SMAP1: variants seen among roughly 807,000 people sequenced by gnomAD.
The protein encoded by SMAP1 is stromal membrane-associated protein 1.
Under a neutral mutation model 58.5 loss-of-function variants are expected in SMAP1, and 24 were observed. That is an observed-to-expected ratio of 0.41 (90% confidence interval 0.30 to 0.58). SMAP1 has a LOEUF of 0.58. Among genes scored for constraint, SMAP1 ranks in the 20% least tolerant of loss-of-function variants. The probability of loss-of-function intolerance (pLI) is 0.29; values close to 1 mark genes in which losing one functional copy is unlikely to be tolerated. For synonymous variants in SMAP1, 216 were observed against 196.6 expected, an observed-to-expected ratio of 1.10 and a Z score of -0.82; for missense variants, 563 against 566.3, an observed-to-expected ratio of 0.99 and a Z score of 0.06.
At chr6:70,742,639 C>T (rs1296084000) in intron 2 of SMAP1, among the ~76,000 whole-genome samples, 1 of 152,228 alleles carries the variant, frequency 6.6e-6, no homozygotes, top group African/African-American at 2.4e-5. Context: ...TCCAAAGTCA[C>T]TTCCACATTT....
rs61069311 is a variant in SMAP1 at position 70,826,934 on chromosome 6, CAAAAAAAAAAAAAAAAAAA to C, written c.577-9999_577-9981del. ...TGGGCAACAGAGTGAAACCGTGTCT[CAAAAAAAAAAAAAAAAAAA>C]AAAAAAAGAAAAAGAAAAGAAAAAA... is the stretch of plus-strand genomic sequence containing the variant. On this transcript the variant is annotated intron_variant, in intron 6 of 10. Transcript: ENST00000370455. 5.2e-5 allele frequency among the ~76,000 whole-genome samples: 4 copies of C among 76,612 alleles called. No homozygotes were observed. In the South Asian group the frequency reaches 1.9e-3, roughly 37 times the overall value. 50.3% of individuals were successfully genotyped at this position (76,612 alleles called of 152,430 possible).
At chr6:70,759,982 G>T in intron 3 of SMAP1, 1 of 320,980 alleles carries the variant, frequency 3.1e-6, no homozygotes, top group South Asian at 2.6e-5. Context: ...TTCTTTTGTG[G>T]GGAGTGGGGT....
intron 1 of SMAP1, among the ~76,000 whole-genome samples, chr6:70,724,740 A>G (rs897339355): frequency 6.6e-6 from 1 of 152,226 alleles, no homozygotes; most frequent in Non-Finnish European, 1.5e-5. Context: ...CTTTACAGGA[A>G]AACATGAACG....
At chr6:70,769,320 C>G (rs1048342214) in intron 3 of SMAP1, among the ~76,000 whole-genome samples, 10 of 152,272 alleles carry the variant, frequency 6.6e-5, no homozygotes, top group African/African-American at 2.4e-4. Flanking sequence ...AACTTTCTGT[C>G]TCGTTGATCT....
At chr6:70,722,497 A>G (rs1011223693) in intron 1 of SMAP1, among the ~76,000 whole-genome samples, 1 of 152,230 alleles carries the variant, frequency 6.6e-6, no homozygotes, top group Non-Finnish European at 1.5e-5. Flanking sequence ...CTGTGCATAG[A>G]CCAGCTCTGT....
chr6:70,718,744 C>A (rs112115559), intron 1 of SMAP1, among the ~76,000 whole-genome samples: 8 of 143,110 alleles, frequency 5.6e-5, no homozygotes, highest in Admixed American at 5.3e-4. Flanking sequence ...TCCCTTGAAC[C>A]GGGAAGTAGA....
intron 1 of SMAP1, chr6:70,668,524 A>T: frequency 2.6e-6 from 4 of 1,516,250 alleles, no homozygotes; most frequent in Non-Finnish European, 2.6e-6. Flanking sequence ...AGCTCTGCTC[A>T]TAGCTATCTC....
At chr6:70,784,179 A>G (rs1767896705) in intron 4 of SMAP1, among the ~76,000 whole-genome samples, 1 of 152,224 alleles carries the variant, frequency 6.6e-6, no homozygotes, top group Admixed American at 6.5e-5. Flanking sequence ...TTTTCAAGCC[A>G]GAATTTCATA....
At chr6:70,857,239 T>A in intron 9 of SMAP1, 1 of 416,486 alleles carries the variant, frequency 2.4e-6, no homozygotes, top group Non-Finnish European at 4.2e-6. Context: ...TTATTTGGAA[T>A]TAACAAGCTG....
intron 1 of SMAP1, among the ~76,000 whole-genome samples, chr6:70,682,485 G>A (rs924133791): frequency 6.6e-5 from 10 of 152,098 alleles, no homozygotes; most frequent in African/African-American, 2.2e-4. Flanking sequence ...CACCACGCCC[G>A]GCCCTCTGCA....
chr6:70,806,132 A>G (rs1487429417), intron 6 of SMAP1, among the ~76,000 whole-genome samples: 2 of 152,070 alleles, frequency 1.3e-5, no homozygotes, highest in Non-Finnish European at 2.9e-5. Context: ...CTATAGAGGC[A>G]GTGAGCCTTG....
At chr6:70,786,104 A>G (rs1010500548) in intron 4 of SMAP1, among the ~76,000 whole-genome samples, 2 of 152,184 alleles carry the variant, frequency 1.3e-5, no homozygotes, top group African/African-American at 2.4e-5. Context: ...CTTATCCACC[A>G]TGATCAAGTG....
chr6:70,724,878 T>C (rs1352815998), intron 1 of SMAP1, among the ~76,000 whole-genome samples: 1 of 151,956 alleles, frequency 6.6e-6, no homozygotes, highest in African/African-American at 2.4e-5. Context: ...ATGTTTAATA[T>C]TAAGAAACTC....
intron 1 of SMAP1, among the ~76,000 whole-genome samples, chr6:70,698,486 A>G (rs548295612): frequency 3.0e-4 from 46 of 152,052 alleles, no homozygotes; most frequent in Non-Finnish European, 5.7e-4. Flanking sequence ...CTTCTACCCC[A>G]TCTCTCTCTA....
chr6:70,820,603 G>A (rs1769843640), intron 6 of SMAP1, among the ~76,000 whole-genome samples: 1 of 152,068 alleles, frequency 6.6e-6, no homozygotes, highest in Admixed American at 6.6e-5. Flanking sequence ...CTACTCAGGA[G>A]GCTGAAGCAG....
rs143580055 is a variant in SMAP1, at chr6:70,719,417, G to A, written c.119-12961G>A. Among the ~76,000 whole-genome samples, 1,031 of 152,266 alleles carry A rather than the reference G, an allele frequency of 6.8e-3. 6 individuals are homozygous for A. Among genetic ancestry groups the A allele is most frequent in the Middle Eastern group, 0.031 (9 of 294 alleles). On this transcript the variant is annotated intron_variant, in intron 1 of 10. Transcript: ENST00000370455. ...TGAAATGAAGGAAATTATTAATACA[G>A]TTCTCTCATCCACCCTTGAATCTCC... is the stretch of plus-strand genomic sequence containing the variant.
rs187087092 is a variant in SMAP1, at chr6:70,828,600, C to T, written c.577-8341C>T. ...TAATATTTTTTCTTTTCACTACCCC[C>T]ATTGAAAAACAGTGACATATATGAA... On this transcript the variant is annotated intron_variant, in intron 6 of 10. Coordinates refer to ENST00000370455, the MANE Select transcript of SMAP1 (RefSeq NM_001044305.3). Among the ~76,000 whole-genome samples, 10 of 152,314 alleles carry T rather than the reference C, an allele frequency of 6.6e-5. No individual in the cohort carries two copies. In the East Asian group the frequency reaches 1.9e-3, roughly 29 times the overall value.
At chr6:70,739,594 A>G (rs1302641979) in intron 2 of SMAP1, among the ~76,000 whole-genome samples, 1 of 152,058 alleles carries the variant, frequency 6.6e-6, no homozygotes, top group Non-Finnish European at 1.5e-5. Context: ...TTCAGTATGT[A>G]GTTTTATATC....
chr6:70,792,765 G>A lies in SMAP1; in HGVS notation c.495+996G>A, dbSNP rs192004833. Among the ~76,000 whole-genome samples, 27 of 152,166 alleles carry A rather than the reference G, an allele frequency of 1.8e-4. No homozygotes were observed. The East Asian group carries it at 4.9e-3, about 27-fold the overall frequency. ...GCAAGGCTCCTATCTTTCTCATGAA[G>A]GAGCCTTCTCATGAGCCCACTGAAG... is the stretch of plus-strand genomic sequence containing the variant. On this transcript the variant is annotated intron_variant, in intron 5 of 10. Transcript: ENST00000370455.
Sources: gnomAD v4.1 joint callset for allele counts (sites outside exome capture counted in the v4.1 genomes callset) on GRCh38, gnomAD v4.1.1 for gene constraint, MANE v1.5 for transcripts, NCBI Gene and HGNC (gene_info 2026-07-23, HGNC 2026-07-21) for gene names.